POLR2F: variants seen among roughly 807,000 people sequenced by gnomAD.
The protein encoded by POLR2F is RNA polymerase II, I and III subunit F, also known as DNA-directed RNA polymerases I, II, and III subunit RPABC2.
POLR2F carries 12 observed loss-of-function variants against 22.7 expected under a neutral mutation model. The ratio of observed to expected loss-of-function variants is 0.53; its 90% CI spans 0.34 to 0.86. POLR2F has a LOEUF of 0.86. Ranked by LOEUF, POLR2F falls within the 40% of genes least tolerant of loss-of-function variation. POLR2F has a pLI of 0.02. For synonymous variants in POLR2F, 57 were observed against 66.0 expected, an observed-to-expected ratio of 0.86 and a Z score of 0.66; for missense variants, 126 against 171.5, an observed-to-expected ratio of 0.73 and a Z score of 1.48.
downstream of POLR2F, chr22:37,972,430 G>T: frequency 2.8e-6 from 1 of 356,270 alleles, no homozygotes; most frequent in Non-Finnish European, 5.7e-6. Flanking sequence ...AGTTACATGT[G>T]GATTTGGGGG....
Position 37,956,805 on chromosome 22 carries a change from A to T in POLR2F, c.53A>T (p.Glu18Val), listed in dbSNP as rs938903680. The T allele has an allele frequency of 2.5e-6, 4 of 1,613,868 alleles. No homozygotes were observed. In the African/African-American group the frequency reaches 5.3e-5, roughly 22 times the overall value. ...FDGDDFDDVE[E>V]DEGLDDLENA... ...GGCGACGACTTTGATGATGTGGAGG[A>T]GGATGAAGGGCTAGATGACTTGGAG... Residue 18 changes from glutamate to valine, a missense_variant, in exon 2 of 5, where the codon GAG becomes GTG. By Grantham distance (121) the Glu-to-Val change is moderately radical. Transcript: ENST00000442738.
intron 4 of POLR2F, among the ~76,000 whole-genome samples, chr22:37,976,996 T>C (rs1474329810): frequency 6.6e-6 from 1 of 151,830 alleles, no homozygotes; most frequent in East Asian, 2.0e-4. Context: ...AGTGAAACCC[T>C]GTCTCTGCTA....
rs60489167 is a variant in POLR2F at position 37,989,418 on chromosome 22, C to T, written c.120+3106C>T. 9.9e-3 allele frequency among the ~76,000 whole-genome samples: 1,508 copies of T among 152,298 alleles called. 28 individuals are homozygous for T. The highest frequency in any genetic ancestry group is 0.035 in the African/African-American group (1,460 of 41,550). On this transcript the variant is annotated intron_variant, in intron 1 of 2. Coordinates refer to the POLR2F transcript ENST00000333418. Reference sequence around the variant, plus strand: ...TGCACAAGTATTAACCGAGCAGCCACCACGGCCTCACAGTCAGGAGTTTAT... The same window carrying T: ...TGCACAAGTATTAACCGAGCAGCCATCACGGCCTCACAGTCAGGAGTTTAT...
intron 1 of POLR2F, among the ~76,000 whole-genome samples, chr22:38,004,191 A>G (rs1231115450): frequency 2.6e-5 from 4 of 151,760 alleles, no homozygotes; most frequent in Admixed American, 1.3e-4. Context: ...GGGGGGTCTC[A>G]CTATATTGCT....
Position 37,980,469 on chromosome 22 carries a change from C to T in POLR2F, c.293+13299C>T, listed in dbSNP as rs1932363800. Among the ~76,000 whole-genome samples the T allele has an allele frequency of 6.6e-6, 1 of 152,160 alleles. No homozygotes were observed. Among genetic ancestry groups the T allele is most frequent in the South Asian group, 2.1e-4 (1 of 4,832 alleles). Reference sequence around the variant, plus strand: ...CGCTGCTACCTCCTAAGCTAGTTCCCAGCATTAGCCTAACCCTGACAGAAA... The same window carrying T: ...CGCTGCTACCTCCTAAGCTAGTTCCTAGCATTAGCCTAACCCTGACAGAAA... On this transcript the variant is annotated intron_variant, in intron 4 of 4. Transcript: ENST00000405557. The surrounding 1 kb of genome is among the most constrained non-coding windows in gnomAD (Gnocchi z 4.1).
upstream of POLR2F, among the ~76,000 whole-genome samples, chr22:37,985,431 C>A (rs1293217885): frequency 1.3e-5 from 2 of 152,084 alleles, no homozygotes; most frequent in African/African-American, 4.8e-5. Context: ...GCCCACCTCT[C>A]CCTCCCTCCC....
intron 1 of POLR2F, among the ~76,000 whole-genome samples, chr22:38,010,957 G>A (rs1035463605): frequency 1.3e-5 from 2 of 151,936 alleles, no homozygotes; most frequent in Non-Finnish European, 2.9e-5. Flanking sequence ...TGAATTTTGA[G>A]GAAGTATAAG....
chr22:38,001,624 C>T (rs1023183414), intron 1 of POLR2F, among the ~76,000 whole-genome samples: 5 of 152,048 alleles, frequency 3.3e-5, no homozygotes, highest in East Asian at 3.9e-4. Flanking sequence ...CCTCTGCCTC[C>T]CAGGTTCAAG....
chr22:38,026,500 G>A (rs1227653591), exon 3 of POLR2F: 50 of 357,564 alleles, frequency 1.4e-4, no homozygotes, highest in Non-Finnish European at 8.5e-5. Flanking sequence ...GCAACTGTGA[G>A]ATTCTGAGAG....
chr22:37,954,175 A>G (rs1420984157), intron 1 of POLR2F, among the ~76,000 whole-genome samples: 1 of 152,076 alleles, frequency 6.6e-6, no homozygotes, highest in Non-Finnish European at 1.5e-5. Context: ...TAAGCAAGCA[A>G]GCAGGTAACG....
At chr22:38,029,666 A>G (rs1292737453), downstream of POLR2F, among the ~76,000 whole-genome samples, 3 of 152,154 alleles carry the variant, frequency 2.0e-5, no homozygotes, top group African/African-American at 4.8e-5. Flanking sequence ...TGTTTTTGCT[A>G]CCTGTGAAGC....
rs559278417 is a variant in POLR2F at position 37,961,492 on chromosome 22, A to T, written c.221+2016A>T. Among the ~76,000 whole-genome samples the T allele has an allele frequency of 3.9e-5, 6 of 152,150 alleles. 1 individual carries two copies. In the South Asian group the frequency reaches 1.2e-3, roughly 32 times the overall value. On this transcript the variant is annotated intron_variant, in intron 3 of 4. Transcript: ENST00000442738. ...GTTTTGGGGATTTGAAAATCAGCAA[A>T]CTTCCCTCCTCTCCCACATTTGGGA...
rs1193909642 is a variant in POLR2F at position 37,969,035 on chromosome 22, C to T, written c.*1320C>T. 9.1e-6 allele frequency: 9 copies of T among 985,316 alleles called. 1 individual carries two copies. The South Asian group carries it at 1.9e-4, about 21-fold the overall frequency. The allele number at this position is 985,316 out of a possible 1,614,324, so 61.0% of individuals were successfully genotyped here. ...GCATCCAGGCAGCCGCCCCAGAGTG[C>T]GGGGGTCACTTTCTCGGCCCCATTT... On this transcript the variant is annotated 3_prime_UTR_variant, in exon 5 of 5. Transcript: ENST00000442738.
At chr22:37,971,183 C>T (rs930494958), downstream of POLR2F, 26 of 467,518 alleles carry the variant, frequency 5.6e-5, no homozygotes, top group South Asian at 3.9e-4. Flanking sequence ...GGGCTGCAAA[C>T]CACAGGCAGG....
rs757168836 is a variant in POLR2F at position 37,962,289 on chromosome 22, C to CT, written c.221+2814dup. On this transcript the variant is annotated intron_variant, in intron 3 of 4. Coordinates refer to ENST00000442738, the MANE Select transcript of POLR2F (RefSeq NM_021974.5). Reference sequence around the variant, plus strand: ...AAAGCTGGGGCCAGATTTGTGGACTCTGTGTGCTTACAGGGGCAGCAAATG... The same window carrying CT: ...AAAGCTGGGGCCAGATTTGTGGACTCTTGTGTGCTTACAGGGGCAGCAAATG... Among the ~76,000 whole-genome samples, 48 of 152,130 alleles carry CT rather than the reference C, an allele frequency of 3.2e-4. 1 individual carries two copies. The highest frequency in any genetic ancestry group is 6.2e-4 in the South Asian group (3 of 4,824).
chr22:37,977,194 G>A (rs1932246365), intron 4 of POLR2F, among the ~76,000 whole-genome samples: 1 of 151,288 alleles, frequency 6.6e-6, no homozygotes, highest in Non-Finnish European at 1.5e-5. Context: ...AGAATGGCTG[G>A]TGGGAAAGAG....
intron 1 of POLR2F, among the ~76,000 whole-genome samples, chr22:37,998,061 G>A (rs552575750): frequency 8.2e-4 from 125 of 152,304 alleles, no homozygotes; most frequent in Non-Finnish European, 1.4e-3. Flanking sequence ...GTGGGAAGTG[G>A]GAGTGGAGGG....
chr22:37,969,843 T>C (rs74551221), downstream of POLR2F, among the ~76,000 whole-genome samples: 4 of 152,198 alleles, frequency 2.6e-5, no homozygotes, highest in Admixed American at 2.0e-4. Context: ...AGTTTTTTTT[T>C]CGATGGTTAC....
chr22:38,020,156 C>T (rs991060001), intron 1 of POLR2F, among the ~76,000 whole-genome samples: 5 of 151,174 alleles, frequency 3.3e-5, no homozygotes, highest in African/African-American at 1.2e-4. Flanking sequence ...CGAGATCAGC[C>T]TGGGCAACAC....
Sources: allele counts gnomAD v4.1 joint callset (sites outside exome capture counted in the v4.1 genomes callset), GRCh38; gene constraint gnomAD v4.1.1; non-coding constraint Gnocchi (gnomAD v3.1); transcripts MANE v1.5; gene names NCBI Gene and HGNC (gene_info 2026-07-23, HGNC 2026-07-21).